ADAM18: variants seen among roughly 807,000 people sequenced by gnomAD.
ADAM18 encodes disintegrin and metalloproteinase domain-containing protein 18.
A neutral mutation model predicts 94.4 loss-of-function variants in ADAM18; 117 were observed. That is an observed-to-expected ratio of 1.24 (90% CI 1.07 to 1.45). The LOEUF is 1.45. ADAM18 is among the 40% of genes most tolerant of loss of function. The probability of loss-of-function intolerance (pLI) is 0.00; values close to 1 mark genes in which losing one functional copy is unlikely to be tolerated. For synonymous variants in ADAM18, 327 were observed against 291.6 expected, an observed-to-expected ratio of 1.12 and a Z score of -1.24; for missense variants, 936 against 880.0, an observed-to-expected ratio of 1.06 and a Z score of -0.81.
At chr8:39,663,706 C>T (rs1436129200) in intron 12 of ADAM18, 89 bp from the exon 13 acceptor site, 2 of 678,406 alleles carry the variant, frequency 2.9e-6, no homozygotes, top group Non-Finnish European at 4.9e-6. Context: ...AGTTTGTACA[C>T]AACAGAATAT....
intron 14 of ADAM18, among the ~76,000 whole-genome samples, chr8:39,674,947 T>G (rs11775227): frequency 0.73 from 110,928 of 151,654 alleles, 41,373 homozygotes; most frequent in Middle Eastern, 0.79. Context: ...GTTGAATATT[T>G]GCCCCCACTC....
At chr8:39,676,287 T>C (rs1297859093) in intron 14 of ADAM18, among the ~76,000 whole-genome samples, 1 of 152,248 alleles carries the variant, frequency 6.6e-6, no homozygotes, top group Admixed American at 6.5e-5. Context: ...TTTGTTGAGC[T>C]GCAGTGGACT....
chr8:39,702,095 A>G (rs1484812511), intron 17 of ADAM18, among the ~76,000 whole-genome samples: 1 of 151,888 alleles, frequency 6.6e-6, no homozygotes, highest in East Asian at 1.9e-4. Flanking sequence ...ACTAATTAAC[A>G]CTCCCACCAA....
At chr8:39,639,048 G>A (rs1260904189) in intron 10 of ADAM18, among the ~76,000 whole-genome samples, 1 of 151,730 alleles carries the variant, frequency 6.6e-6, no homozygotes, top group East Asian at 1.9e-4. Context: ...TTCTCAATTA[G>A]AAAATTTCTT....
rs143055308 is a variant in ADAM18 at position 39,663,856 on chromosome 8, G to A, written c.1292G>A (p.Cys431Tyr). ...NTCKLKGSVK[C>Y]GSGPCCTSKC... is the part of the protein sequence containing the mutation. ...TGTAAACTGAAGGGCTCAGTAAAAT[G>A]TGGTTCTGGACCATGTTGTACATCA... The change falls in exon 13 of 20, where the codon TGT (cysteine) becomes TAT (tyrosine). Residue 431 changes from cysteine to tyrosine, a missense_variant. Transcript: ENST00000265707. The A allele has an allele frequency of 5.5e-5, 88 of 1,612,238 alleles. No homozygotes were observed. The highest frequency in any genetic ancestry group is 7.0e-5 in the Non-Finnish European group (83 of 1,179,592).
rs35248371 is a variant in ADAM18, at chr8:39,637,019, TTATATATATATATATATATATATATA to T, written c.589-223_589-198del. ...AATAATATTTCCGCATGTGTGTATTTTATATATATATATATATATATATATATATATATATATATATATATATGTAT... is the reference window on the plus strand; with the variant it reads ...AATAATATTTCCGCATGTGTGTATTTTATATATATATATATATATATGTAT... On this transcript the variant is annotated intron_variant, in intron 7 of 19. Coordinates refer to ENST00000265707, the MANE Select transcript of ADAM18 (RefSeq NM_014237.3). 1.7e-3 allele frequency among the ~76,000 whole-genome samples: 94 copies of T among 54,852 alleles called. 1 individual carries two copies. The highest frequency in any genetic ancestry group is 4.8e-3 in the African/African-American group (81 of 16,802). The allele number at this position is 54,852 out of a possible 152,430, so 36.0% of individuals were successfully genotyped here. A position where few individuals can be genotyped will look rare whatever the true frequency, so the allele number is the denominator to read the frequency against.
chr8:39,721,547 A>G (rs965699701), intron 18 of ADAM18, among the ~76,000 whole-genome samples: 1 of 151,514 alleles, frequency 6.6e-6, no homozygotes, highest in Non-Finnish European at 1.5e-5. Context: ...GTCTATAAGG[A>G]ACTAAAACTC....
Position 39,688,390 on chromosome 8 carries a change from C to T in ADAM18, c.1822-4210C>T, listed in dbSNP as rs557009503. Among the ~76,000 whole-genome samples, 5 of 152,266 alleles carry T rather than the reference C, an allele frequency of 3.3e-5. No individual in the cohort carries two copies. In the East Asian group the frequency reaches 9.6e-4, roughly 29 times the overall value. On this transcript the variant is annotated intron_variant, in intron 16 of 19. Coordinates refer to ENST00000265707, the MANE Select transcript of ADAM18 (RefSeq NM_014237.3). Reference sequence around the variant, plus strand: ...CTGAACTTCTCCCTCCTCCCAGCCTCCACCCTACCAAAGACCCCACTGTGT... The same window carrying T: ...CTGAACTTCTCCCTCCTCCCAGCCTTCACCCTACCAAAGACCCCACTGTGT...
At chr8:39,677,393 T>C (rs1336258989) in intron 14 of ADAM18, 38 bp from the exon 15 acceptor site, 2 of 1,493,144 alleles carry the variant, frequency 1.3e-6, no homozygotes, top group East Asian at 2.3e-5. Context: ...TAACTCATAT[T>C]AAGAATGATA....
chr8:39,705,017 A>G (rs757283496), intron 17 of ADAM18, among the ~76,000 whole-genome samples: 14 of 152,184 alleles, frequency 9.2e-5, no homozygotes, highest in Admixed American at 2.0e-4. Context: ...ATCAAAATGC[A>G]AAAATGATGG....
chr8:39,586,770 A>G (rs1361113823), intron 2 of ADAM18, among the ~76,000 whole-genome samples: 2 of 124,162 alleles, frequency 1.6e-5, no homozygotes, highest in African/African-American at 2.7e-5. Flanking sequence ...CTATCTATCT[A>G]TCTATCTATC....
At chr8:39,703,878 G>A (rs1822155557) in intron 17 of ADAM18, among the ~76,000 whole-genome samples, 1 of 152,010 alleles carries the variant, frequency 6.6e-6, no homozygotes. Context: ...TGATAAAGGG[G>A]ATATTACTAC....
At chr8:39,656,343 C>A (rs1353249877) in intron 12 of ADAM18, among the ~76,000 whole-genome samples, 1 of 152,074 alleles carries the variant, frequency 6.6e-6, no homozygotes, top group Non-Finnish European at 1.5e-5. Flanking sequence ...ACATAAATAT[C>A]ATTACTGTTT....
intron 18 of ADAM18, among the ~76,000 whole-genome samples, chr8:39,722,307 A>C (rs1279522766): frequency 1.4e-5 from 2 of 144,208 alleles, no homozygotes; most frequent in South Asian, 4.4e-4. Flanking sequence ...ATACATATTT[A>C]TATTTCTTTA....
At chr8:39,681,339 T>C (rs984668582) in intron 16 of ADAM18, among the ~76,000 whole-genome samples, 5 of 152,160 alleles carry the variant, frequency 3.3e-5, no homozygotes, top group Admixed American at 3.3e-4. Flanking sequence ...AAGCAAGCTA[T>C]GAAGAGCTTT....
chr8:39,611,070 T>G, intron 6 of ADAM18: 1 of 1,012,708 alleles, frequency 9.9e-7, no homozygotes, highest in Non-Finnish European at 1.2e-6. Context: ...CTTTCTAAAA[T>G]GCACAGCCAT....
intron 2 of ADAM18, among the ~76,000 whole-genome samples, chr8:39,596,869 A>G (rs1176026115): frequency 2.0e-5 from 3 of 152,206 alleles, no homozygotes; most frequent in Non-Finnish European, 4.4e-5. Flanking sequence ...GACTATTCAA[A>G]TCAATGTGTA....
chr8:39,597,573 G>A (rs1192994680), intron 2 of ADAM18, among the ~76,000 whole-genome samples: 9 of 152,136 alleles, frequency 5.9e-5, no homozygotes, highest in Non-Finnish European at 1.3e-4. Flanking sequence ...TTTTGTCAAA[G>A]GTCAGTTTAC....
chr8:39,594,226 A>G (rs1818668147), intron 2 of ADAM18, among the ~76,000 whole-genome samples: 1 of 152,142 alleles, frequency 6.6e-6, no homozygotes. Context: ...TAAGCAAACT[A>G]TTTAAACCTT....
Sources: gnomAD v4.1 joint callset for allele counts (sites outside exome capture counted in the v4.1 genomes callset) on GRCh38, gnomAD v4.1.1 for gene constraint, MANE v1.5 for transcripts, NCBI Gene and HGNC (gene_info 2026-07-23, HGNC 2026-07-21) for gene names.